Variants in ZC3H12B observed in about 807,000 individuals in gnomAD.
ZC3H12B encodes zinc finger CCCH-type containing 12B.
ZC3H12B carries 7 observed loss-of-function variants against 43.9 expected under a neutral mutation model. The observed-to-expected ratio is 0.16, with a 90% confidence interval of 0.09 to 0.30. ZC3H12B has a LOEUF of 0.30. Ranked by LOEUF, ZC3H12B falls within the 10% of genes least tolerant of loss-of-function variation. ZC3H12B has a pLI of 1.00. For synonymous variants in ZC3H12B, 222 were observed against 241.7 expected (o/e 0.92, Z 0.76); for missense variants, 475 against 670.2 (o/e 0.71, Z 3.22).
intron 3 of ZC3H12B, among the ~76,000 whole-genome samples, chrX:65,453,405 A>ATAT (rs2067552007): frequency 4.4e-5 from 3 of 68,504 alleles, no homozygotes; most frequent in Admixed American, 3.5e-4. Flanking sequence ...TATATATATA[A>ATAT]AATAGAATAG....
At chrX:65,223,686 G>T in the ZC3H12B span, among the ~76,000 whole-genome samples, 1 of 112,217 alleles carries the variant, frequency 8.9e-6, no homozygotes, top group South Asian at 3.6e-4. Flanking sequence ...TTCAAAAGAA[G>T]ATATAGAAAT....
the ZC3H12B span, among the ~76,000 whole-genome samples, chrX:65,283,964 C>T: frequency 8.1e-5 from 9 of 111,275 alleles, no homozygotes; most frequent in Non-Finnish European, 1.7e-4. Context: ...CGAGTTACTA[C>T]TTGGACTTGG....
the ZC3H12B span, among the ~76,000 whole-genome samples, chrX:65,241,247 TG>T: frequency 8.9e-6 from 1 of 112,579 alleles, no homozygotes; most frequent in Admixed American, 9.3e-5. Flanking sequence ...TAACCCTGGC[TG>T]GAGTTGCTGA....
chrX:65,196,032 C>T, the ZC3H12B span, among the ~76,000 whole-genome samples: 200 of 111,614 alleles, frequency 1.8e-3, 1 homozygote, highest in African/African-American at 6.1e-3. Context: ...TGGCTCAGAC[C>T]CTCAGCTAGA....
the ZC3H12B span, among the ~76,000 whole-genome samples, chrX:65,241,666 G>T: frequency 8.9e-6 from 1 of 112,803 alleles, no homozygotes; most frequent in South Asian, 3.6e-4. Context: ...ACTGGATTCA[G>T]CAGGCTAGAA....
chrX:65,205,897 C>A, the ZC3H12B span, among the ~76,000 whole-genome samples: 9 of 111,855 alleles, frequency 8.0e-5, no homozygotes, highest in East Asian at 2.5e-3. Context: ...AGAATCAAAT[C>A]AAGAACTCAA....
the ZC3H12B span, among the ~76,000 whole-genome samples, chrX:65,089,805 CACAA>C: frequency 6.5e-4 from 72 of 110,881 alleles, no homozygotes; most frequent in African/African-American, 2.1e-3. Flanking sequence ...AAAGCTAAGA[CACAA>C]ACACATACAT....
At chrX:65,453,985 G>C (rs1482378527) in intron 3 of ZC3H12B, among the ~76,000 whole-genome samples, 1 of 111,973 alleles carries the variant, frequency 8.9e-6, no homozygotes, top group Non-Finnish European at 1.9e-5. Context: ...CGGGTGATGA[G>C]TGCATGAAAA....
chrX:65,344,139 C>T, the ZC3H12B span, among the ~76,000 whole-genome samples: 1 of 112,128 alleles, frequency 8.9e-6, no homozygotes, highest in Non-Finnish European at 1.9e-5. Context: ...TGAAAGATTT[C>T]TGCAATGAGA....
the ZC3H12B span, among the ~76,000 whole-genome samples, chrX:65,311,915 G>A: frequency 9.0e-6 from 1 of 111,111 alleles, no homozygotes; most frequent in Non-Finnish European, 1.9e-5. Context: ...AACACCACAT[G>A]TTCTCACTCA....
intron 3 of ZC3H12B, among the ~76,000 whole-genome samples, chrX:65,449,392 G>A (rs1338533742): frequency 1.8e-5 from 2 of 111,598 alleles, no homozygotes; most frequent in African/African-American, 6.5e-5. Context: ...GCCAAGGCGG[G>A]CGGATCACCT....
chrX:65,374,189 T>C (rs1490639472), intron 2 of ZC3H12B, among the ~76,000 whole-genome samples: 1 of 82,514 alleles, frequency 1.2e-5, no homozygotes, highest in Non-Finnish European at 2.2e-5. Context: ...ATATATAGTA[T>C]AGTAATATAT....
chrX:65,295,653 A>G, the ZC3H12B span, among the ~76,000 whole-genome samples: 1 of 111,979 alleles, frequency 8.9e-6, no homozygotes, highest in South Asian at 3.6e-4. Flanking sequence ...TTAGGAGAAT[A>G]TTAGTGATAT....
At chrX:65,364,590 C>T (rs1010749102), upstream of ZC3H12B, among the ~76,000 whole-genome samples, 43 of 86,354 alleles carry the variant, frequency 5.0e-4, no homozygotes, top group African/African-American at 5.7e-3. Context: ...TCAGTCTCTT[C>T]ACACACAAGG....
the ZC3H12B span, among the ~76,000 whole-genome samples, chrX:65,346,431 G>T: frequency 9.0e-6 from 1 of 111,273 alleles, no homozygotes; most frequent in Non-Finnish European, 1.9e-5. Flanking sequence ...ATATGCAGAA[G>T]AATGAAACTG....
At position 65,435,703 on chromosome X, in the gene ZC3H12B, C is replaced by T. The variant is rs778986795; in HGVS notation, n.407+36999C>T. Among the ~76,000 whole-genome samples, 90 of 98,816 alleles carry T rather than the reference C, an allele frequency of 9.1e-4. 1 individual carries two copies. The East Asian group carries it at 0.027, about 30-fold the overall frequency. The allele number at this position is 98,816 out of a possible 115,157, so 85.8% of individuals were successfully genotyped here. ...ATAGATAGATAGATAGATAGATAGACAGTCAGATAGATGAGAGGGGATTTA... is the reference window on the plus strand; with the variant it reads ...ATAGATAGATAGATAGATAGATAGATAGTCAGATAGATGAGAGGGGATTTA... On this transcript the variant is annotated intron_variant and non_coding_transcript_variant, in intron 3 of 5. Transcript: ENST00000617377.
At chrX:65,318,698 G>C in the ZC3H12B span, among the ~76,000 whole-genome samples, 1 of 111,139 alleles carries the variant, frequency 9.0e-6, no homozygotes, top group African/African-American at 3.3e-5. Context: ...GGGATTACAG[G>C]CGTGAACCAC....
chrX:65,167,681 G>A, the ZC3H12B span, among the ~76,000 whole-genome samples: 7 of 111,575 alleles, frequency 6.3e-5, no homozygotes, highest in African/African-American at 1.9e-4. Flanking sequence ...ATGAGCATGG[G>A]ATGTTCTTCC....
chrX:65,324,741 C>T, the ZC3H12B span, among the ~76,000 whole-genome samples: 1 of 111,295 alleles, frequency 9.0e-6, no homozygotes, highest in Non-Finnish European at 1.9e-5. Context: ...GAGAATGTTT[C>T]ATGGGTACTT....
Sources: gnomAD v4.1 joint callset for allele counts (sites outside exome capture counted in the v4.1 genomes callset) on GRCh38, gnomAD v4.1.1 for gene constraint, MANE v1.5 for transcripts, NCBI Gene and HGNC (gene_info 2026-07-23, HGNC 2026-07-21) for gene names.